The following INTS9 variants were observed in gnomAD, a reference collection of about 807,000 sequenced individuals.
The protein encoded by INTS9 is protein related to CPSF subunits of 74 kDa.
In INTS9, 55 loss-of-function variants were observed where a neutral mutation model predicts 79.7. The observed-to-expected ratio is 0.69, with a 90% CI of 0.56 to 0.86. The LOEUF (loss-of-function observed/expected upper bound fraction) is 0.86, where lower values mean the gene tolerates loss of function less well. INTS9 is among the 40% of genes least tolerant of loss of function. The probability of loss-of-function intolerance (pLI) is 0.00; values close to 1 mark genes in which losing one functional copy is unlikely to be tolerated. For synonymous variants in INTS9, 319 were observed against 325.2 expected (o/e 0.98, Z 0.20); for missense variants, 721 against 831.5 (o/e 0.87, Z 1.64).
In INTS9 at chr8:28,767,835, C is replaced by T. The variant is rs1444411372; in HGVS notation, c.*311G>A. ...AGGCCTGGGACTGATGCAAGACAGC[C>T]AGCCAGTCACCTCCGCCTCCCATGA... is the stretch of plus-strand genomic sequence containing the variant. On this transcript the variant is annotated 3_prime_UTR_variant, in exon 17 of 17. Coordinates refer to ENST00000521022, the MANE Select transcript of INTS9 (RefSeq NM_018250.4). The T allele has an allele frequency of 5.5e-6, 2 of 366,458 alleles. No individual in the cohort carries two copies. The highest frequency in any genetic ancestry group is 1.0e-5 in the Non-Finnish European group (2 of 194,676). The allele number at this position is 366,458 out of a possible 1,614,324, so 22.7% of individuals were successfully genotyped here. A position where few individuals can be genotyped will look rare whatever the true frequency, so the allele number is the denominator to read the frequency against.
chr8:28,884,937 C>T (rs1810105291), intron 1 of INTS9, among the ~76,000 whole-genome samples: 1 of 152,200 alleles, frequency 6.6e-6, no homozygotes, highest in South Asian at 2.1e-4. Context: ...GAGGAAGAAT[C>T]CAACACTCTC....
At chr8:28,776,427 GTTT>G (rs72163162) in intron 13 of INTS9, among the ~76,000 whole-genome samples, 4 of 85,378 alleles carry the variant, frequency 4.7e-5, no homozygotes, top group Non-Finnish European at 7.2e-5. Context: ...CAGAGGCAGA[GTTT>G]TTTTTTTTTG....
chr8:28,827,190 C>T (rs1045244620), intron 6 of INTS9, among the ~76,000 whole-genome samples: 21 of 152,178 alleles, frequency 1.4e-4, no homozygotes, highest in African/African-American at 5.1e-4. Flanking sequence ...AAGTCAAGTT[C>T]TCAGAGTCTA....
intron 8 of INTS9, chr8:28,796,894 G>A (rs1220922020): frequency 2.4e-6 from 1 of 415,390 alleles, no homozygotes; most frequent in East Asian, 3.5e-5. Flanking sequence ...TCTTCACTGG[G>A]GCACTGATTA....
At chr8:28,844,338 C>G (rs1175335635) in intron 4 of INTS9, among the ~76,000 whole-genome samples, 5 of 151,596 alleles carry the variant, frequency 3.3e-5, no homozygotes, top group Non-Finnish European at 7.4e-5. Context: ...CTCAGGAGTT[C>G]AAGACCAGCT....
At chr8:28,814,738 C>T (rs1267382552) in intron 6 of INTS9, among the ~76,000 whole-genome samples, 1 of 152,158 alleles carries the variant, frequency 6.6e-6, no homozygotes, top group East Asian at 1.9e-4. Context: ...TACAGAGGAA[C>T]AATGTTCCTC....
intron 4 of INTS9, among the ~76,000 whole-genome samples, chr8:28,845,047 G>A (rs1277587078): frequency 6.6e-6 from 1 of 152,040 alleles, no homozygotes; most frequent in Non-Finnish European, 1.5e-5. Flanking sequence ...TTGTTCAAGG[G>A]TCAACTGTAC....
intron 6 of INTS9, among the ~76,000 whole-genome samples, chr8:28,814,041 G>A (rs768578013): frequency 3.1e-4 from 46 of 150,416 alleles, no homozygotes; most frequent in Non-Finnish European, 4.4e-4. Flanking sequence ...TTACAGGCAT[G>A]AGCCACCGTG....
intron 7 of INTS9, among the ~76,000 whole-genome samples, chr8:28,813,239 T>C (rs545037959): frequency 6.6e-6 from 1 of 152,240 alleles, no homozygotes; most frequent in African/African-American, 2.4e-5. Flanking sequence ...TAAAATCTAA[T>C]GTGAACAGGA....
chr8:28,799,638 A>G (rs1804413433), intron 8 of INTS9, among the ~76,000 whole-genome samples: 1 of 152,226 alleles, frequency 6.6e-6, no homozygotes, highest in Admixed American at 6.5e-5. Flanking sequence ...AAATGTATAG[A>G]TTACTGGTGT....
At chr8:28,826,350 G>GT (rs1247328177) in intron 6 of INTS9, among the ~76,000 whole-genome samples, 1 of 152,100 alleles carries the variant, frequency 6.6e-6, no homozygotes, top group African/African-American at 2.4e-5. Context: ...AATTATCAAC[G>GT]TGTCCCGTCT....
chr8:28,871,135 T>C (rs1237824970), intron 1 of INTS9, among the ~76,000 whole-genome samples: 1 of 152,180 alleles, frequency 6.6e-6, no homozygotes, highest in African/African-American at 2.4e-5. Flanking sequence ...GGTAGTAAGT[T>C]AGGAGTCAGC....
intron 1 of INTS9, among the ~76,000 whole-genome samples, chr8:28,887,152 C>G (rs1421188360): frequency 6.6e-6 from 1 of 152,020 alleles, no homozygotes; most frequent in African/African-American, 2.4e-5. Context: ...GTTATTTAGA[C>G]AGAGATCTGA....
chr8:28,878,668 T>C (rs1585526495), intron 1 of INTS9, among the ~76,000 whole-genome samples: 3 of 150,436 alleles, frequency 2.0e-5, no homozygotes, highest in African/African-American at 4.9e-5. Flanking sequence ...AAAAAACTCT[T>C]GTATAGTTTA....
At chr8:28,814,179 C>T (rs977586475) in intron 6 of INTS9, among the ~76,000 whole-genome samples, 1 of 151,668 alleles carries the variant, frequency 6.6e-6, no homozygotes, top group African/African-American at 2.4e-5. Context: ...TGAAGAGTAA[C>T]TTCCCTGACA....
rs1167039432 is a variant in INTS9 at position 28,777,990 on chromosome 8, A to G, written c.1271-37T>C. The G allele has an allele frequency of 2.6e-6, 4 of 1,567,210 alleles. No individual in the cohort carries two copies. In the South Asian group the frequency reaches 4.8e-5, roughly 19 times the overall value. On this transcript the variant is annotated intron_variant, in intron 12 of 16. Coordinates refer to ENST00000521022, the MANE Select transcript of INTS9 (RefSeq NM_018250.4). Reference sequence around the variant, plus strand: ...ACAAGAAAGAAATCTTACAATGCAGACTACACAGGAGCTGCCAAGCCAGAC... The same window carrying G: ...ACAAGAAAGAAATCTTACAATGCAGGCTACACAGGAGCTGCCAAGCCAGAC...
At chr8:28,838,629 T>C (rs988105049) in intron 4 of INTS9, among the ~76,000 whole-genome samples, 1 of 152,234 alleles carries the variant, frequency 6.6e-6, no homozygotes, top group African/African-American at 2.4e-5. Flanking sequence ...TTTAACTTTT[T>C]ATTTCTTTTT....
At chr8:28,875,379 G>T (rs948850064) in intron 1 of INTS9, among the ~76,000 whole-genome samples, 1 of 152,138 alleles carries the variant, frequency 6.6e-6, no homozygotes, top group African/African-American at 2.4e-5. Context: ...CCTTCTACTT[G>T]TAATAACACA....
At position 28,777,831 on chromosome 8, in the gene INTS9, G is replaced by A. The variant is rs1374656316; in HGVS notation, c.1393C>T (p.Gln465Ter). ...GCACAAGCAGTGTCCTTCATTACCT[G>A]CACTTCTTTAAGCAGCTTTGACACC... is the stretch of plus-strand genomic sequence containing the variant. Reference protein sequence around the residue: ...IQVSKLLKEVQPLHVVCPEQY... With the variant: ...IQVSKLLKEV The change falls in exon 13 of 17, where the codon CAG becomes TAG. Residue 465 changes from glutamine to a stop codon, truncating the protein, a stop_gained and splice_region_variant. Transcript: ENST00000521022. LOFTEE classifies it high-confidence loss of function. The A allele has an allele frequency of 6.2e-7, 1 of 1,603,952 alleles. No homozygotes were observed. The highest frequency in any genetic ancestry group is 8.5e-7 in the Non-Finnish European group (1 of 1,175,682).
Sources: gnomAD v4.1 joint callset for allele counts (sites outside exome capture counted in the v4.1 genomes callset) on GRCh38, gnomAD v4.1.1 for gene constraint, MANE v1.5 for transcripts, NCBI Gene and HGNC (gene_info 2026-07-23, HGNC 2026-07-21) for gene names.